Variants in USP34 observed in about 807,000 individuals in gnomAD.
USP34 encodes ubiquitin specific peptidase 34.
Under a neutral mutation model 460.3 loss-of-function variants are expected in USP34, and 70 were observed. The ratio of observed to expected loss-of-function variants is 0.15; its 90% CI spans 0.13 to 0.19. The LOEUF is 0.19. USP34 is among the 10% of genes least tolerant of loss of function. The pLI is 1.00. For synonymous variants in USP34, 1,647 were observed against 1,405.3 expected, an observed-to-expected ratio of 1.17 and a Z score of -3.85; for missense variants, 3,985 against 4,236.2, an observed-to-expected ratio of 0.94 and a Z score of 1.65.
intron 8 of USP34, among the ~76,000 whole-genome samples, chr2:61,376,934 T>C (rs1178826975): frequency 6.6e-6 from 1 of 152,222 alleles, no homozygotes; most frequent in Non-Finnish European, 1.5e-5. Flanking sequence ...TGAGCCACTG[T>C]GCCTGGCACA....
chr2:61,336,369 C>T (rs576705362), intron 18 of USP34, among the ~76,000 whole-genome samples: 1 of 151,918 alleles, frequency 6.6e-6, no homozygotes, highest in Non-Finnish European at 1.5e-5. Flanking sequence ...TCAATAGATG[C>T]CCCATCTCAC....
intron 23 of USP34, among the ~76,000 whole-genome samples, chr2:61,316,316 G>C (rs1245968929): frequency 2.6e-5 from 4 of 152,202 alleles, no homozygotes; most frequent in Non-Finnish European, 4.4e-5. Flanking sequence ...CAGCCGTGGT[G>C]GCTCGTACCT....
At chr2:61,410,165 T>C (rs980523301) in intron 2 of USP34, among the ~76,000 whole-genome samples, 2 of 152,148 alleles carry the variant, frequency 1.3e-5, no homozygotes, top group Admixed American at 6.5e-5. Context: ...CACTGTAATA[T>C]ATAATGAAAT....
chr2:61,418,448 T>C (rs1694262331), intron 2 of USP34, among the ~76,000 whole-genome samples: 1 of 152,190 alleles, frequency 6.6e-6, no homozygotes, highest in African/African-American at 2.4e-5. Flanking sequence ...CAAAAACAAT[T>C]TATGACCACT....
chr2:61,418,551 T>C (rs1694265070), intron 2 of USP34, among the ~76,000 whole-genome samples: 1 of 152,204 alleles, frequency 6.6e-6, no homozygotes, highest in Non-Finnish European at 1.5e-5. Flanking sequence ...AAGGTTCACT[T>C]ATGGACTCAC....
intron 1 of USP34, among the ~76,000 whole-genome samples, chr2:61,449,509 GA>G (rs34449666): frequency 0.63 from 88,182 of 139,642 alleles, 26,658 homozygotes; most frequent in Middle Eastern, 0.71. Context: ...ACATAATTTT[GA>G]AAAAAAAAAC....
chr2:61,223,157 G>C lies in USP34; in HGVS notation c.7652C>G (p.Pro2551Arg). The change falls in exon 64 of 80, where the codon CCC (proline) becomes CGC (arginine). Residue 2551 changes from proline (P) to arginine (R), a missense_variant. By Grantham distance (103) the Pro-to-Arg change is moderately radical. This residue lies in a region of USP34 where 604 missense variants were observed against 684.8 expected (regional missense o/e 0.88). Transcript: ENST00000398571. ...MAALTGGKGF[P>R]FLFQHIRDGI... is the part of the protein sequence containing the mutation. ...ATCACGAATATGTTGAAACAAGAAG[G>C]GAAATCCCTGTCAAAAGCAAAAGTT... The C allele has an allele frequency of 6.2e-7, 1 of 1,613,546 alleles. No individual in the cohort carries two copies. Among genetic ancestry groups the C allele is most frequent in the Non-Finnish European group, 8.5e-7 (1 of 1,179,716 alleles).
chr2:61,246,550 T>C (rs1688422376), intron 49 of USP34, 73 bp from the exon 50 acceptor site: 2 of 1,040,856 alleles, frequency 1.9e-6, no homozygotes, highest in Admixed American at 3.7e-5. Flanking sequence ...CTTTTTAAAA[T>C]AAACTTTATC....
chr2:61,435,016 C>A (rs1055927211), intron 1 of USP34, among the ~76,000 whole-genome samples: 1 of 152,002 alleles, frequency 6.6e-6, no homozygotes, highest in Non-Finnish European at 1.5e-5. Flanking sequence ...AGAAATTCAA[C>A]AAAGAGGCCA....
chr2:61,342,296 CT>C (rs34298126), intron 16 of USP34, among the ~76,000 whole-genome samples: 229 of 95,088 alleles, frequency 2.4e-3, no homozygotes, highest in African/African-American at 3.0e-3. Flanking sequence ...TGGCCGTTTC[CT>C]TTTTTTTTTT....
intron 1 of USP34, among the ~76,000 whole-genome samples, chr2:61,423,801 A>G (rs1182756159): frequency 6.6e-6 from 1 of 152,134 alleles, no homozygotes. Context: ...ATTTTTAAAA[A>G]TTAGCCAGGC....
chr2:61,190,629 A>C lies in USP34; in HGVS notation c.9618T>G (p.Leu3206=), dbSNP rs778962118. ...QSAMSKNCIK[L]LCEDPVFAEY... is the part of the protein sequence containing the mutation. ...CTGCGAAAACAGGATCTTCACACAA[A>C]AGCTTGATGCAGTTTTTTGACATAG... The change falls in exon 77 of 80, where the codon CTT becomes CTG. Residue 3206 remains leucine (L), a synonymous_variant. Transcript: ENST00000398571. 9.9e-6 allele frequency: 16 copies of C among 1,613,788 alleles called. No individual in the cohort carries two copies. Among genetic ancestry groups the C allele is most frequent in the African/African-American group, 1.3e-5 (1 of 74,906 alleles).
chr2:61,397,125 T>C (rs772105020), intron 3 of USP34, among the ~76,000 whole-genome samples: 1 of 152,172 alleles, frequency 6.6e-6, no homozygotes, highest in Non-Finnish European at 1.5e-5. Flanking sequence ...TCAAAGTCTG[T>C]ATTTTGTATA....
At chr2:61,421,797 ACGCG>A (rs374251365) in intron 1 of USP34, among the ~76,000 whole-genome samples, 1 of 147,300 alleles carries the variant, frequency 6.8e-6, no homozygotes, top group Non-Finnish European at 1.5e-5. Context: ...ACACACACAC[ACGCG>A]CGCGCGCGCA....
At chr2:61,378,994 AAAT>A (rs913464476) in intron 7 of USP34, among the ~76,000 whole-genome samples, 10 of 151,232 alleles carry the variant, frequency 6.6e-5, no homozygotes, top group African/African-American at 2.4e-4. Flanking sequence ...GCACTGGAGA[AAAT>A]AAAGCTGAGT....
At chr2:61,405,014 T>G (rs1387269793) in intron 3 of USP34, among the ~76,000 whole-genome samples, 1 of 151,418 alleles carries the variant, frequency 6.6e-6, no homozygotes, top group African/African-American at 2.4e-5. Flanking sequence ...GATCATGAGG[T>G]CAGGAGATCG....
chr2:61,266,522 T>C (rs1386849901), intron 41 of USP34, among the ~76,000 whole-genome samples: 1 of 152,176 alleles, frequency 6.6e-6, no homozygotes, highest in Non-Finnish European at 1.5e-5. Context: ...CTTACTTCAC[T>C]CTACTAATAA....
At chr2:61,216,657 G>A (rs1206448206) in intron 67 of USP34, among the ~76,000 whole-genome samples, 1 of 151,920 alleles carries the variant, frequency 6.6e-6, no homozygotes, top group Non-Finnish European at 1.5e-5. Flanking sequence ...GGTGACTCAT[G>A]CCTGTAATCC....
intron 27 of USP34, 34 bp downstream of exon 27, chr2:61,311,506 A>AAGAAAG (rs1690594364): frequency 3.9e-6 from 6 of 1,543,178 alleles, no homozygotes; most frequent in Non-Finnish European, 5.2e-6. Flanking sequence ...GAAAGAGAGA[A>AAGAAAG]AGAGAAAGAG....
Sources: allele counts gnomAD v4.1 joint callset (sites outside exome capture counted in the v4.1 genomes callset), GRCh38; gene constraint gnomAD v4.1.1; regional missense constraint gnomAD v4.1.1; transcripts MANE v1.5; gene names NCBI Gene and HGNC (gene_info 2026-07-23, HGNC 2026-07-21).